FAM193A: variants seen among roughly 807,000 people sequenced by gnomAD.
FAM193A encodes family with sequence similarity 193 member A, also known as protein FAM193A.
Under a neutral mutation model 126.5 loss-of-function variants are expected in FAM193A, and 22 were observed. That is an observed-to-expected ratio of 0.17 (90% CI 0.12 to 0.25). The LOEUF is 0.25. Ranked by LOEUF, FAM193A falls within the 10% of genes least tolerant of loss-of-function variation. FAM193A has a pLI of 1.00. For missense variants in FAM193A, 1,675 were observed against 1,672.8 expected, an observed-to-expected ratio of 1.00 and a Z score of -0.02; for synonymous variants, 761 against 646.8, an observed-to-expected ratio of 1.18 and a Z score of -2.68.
intron 19 of FAM193A, among the ~76,000 whole-genome samples, chr4:2,712,708 A>G (rs566628039): frequency 6.6e-6 from 1 of 151,936 alleles, no homozygotes; most frequent in East Asian, 1.9e-4. Flanking sequence ...GTTGGTCTCA[A>G]CCCTGTCATT....
Position 2,590,492 on chromosome 4 carries a change from AAAAC to A in FAM193A, c.256-5588_256-5585del, listed in dbSNP as rs1229445608. Among the ~76,000 whole-genome samples the A allele has an allele frequency of 5.3e-5, 5 of 94,450 alleles. 1 individual carries two copies. The highest frequency in any genetic ancestry group is 9.6e-5 in the African/African-American group (2 of 20,934). 62.0% of individuals were successfully genotyped at this position (94,450 alleles called of 152,430 possible). ...AAAAAAAAACAAAAAAAAACAAAAA[AAAAC>A]AAAAAAAAACAAAAAAAAAACAAAA... is the stretch of plus-strand genomic sequence containing the variant. On this transcript the variant is annotated intron_variant, in intron 1 of 20. Coordinates refer to ENST00000637812, the MANE Select transcript of FAM193A (RefSeq NM_001366318.2).
chr4:2,724,043 T>C (rs935848818), intron 20 of FAM193A, among the ~76,000 whole-genome samples: 17 of 143,302 alleles, frequency 1.2e-4, no homozygotes, highest in Admixed American at 8.5e-4. Flanking sequence ...TTTTTTTTTT[T>C]CAGCTTACTC....
intron 1 of FAM193A, among the ~76,000 whole-genome samples, chr4:2,537,494 T>C (rs1006188631): frequency 1.4e-4 from 22 of 152,180 alleles, no homozygotes; most frequent in Admixed American, 3.3e-4. Context: ...CGGGGACGTC[T>C]CCGGGGTGCA....
chr4:2,640,706 G>C (rs1436135540), intron 6 of FAM193A, among the ~76,000 whole-genome samples: 2 of 152,186 alleles, frequency 1.3e-5, no homozygotes, highest in Non-Finnish European at 1.5e-5. Flanking sequence ...GCTCACGCCT[G>C]TAATTCCAAC....
At chr4:2,546,832 C>G (rs376095951) in intron 1 of FAM193A, among the ~76,000 whole-genome samples, 2 of 152,284 alleles carry the variant, frequency 1.3e-5, no homozygotes, top group East Asian at 3.9e-4. Context: ...AACCGCTGAA[C>G]TGTTATCCAG....
rs1373244161 is a variant in FAM193A, at chr4:2,537,078, G to C, written c.163G>C (p.Ala55Pro). 1 of 147,182 alleles carries C rather than the reference G, an allele frequency of 6.8e-6. No homozygotes were observed. 9.1% of individuals were successfully genotyped at this position (147,182 alleles called of 1,614,324 possible). A position where few individuals can be genotyped will look rare whatever the true frequency, so the allele number is the denominator to read the frequency against. The change falls in exon 1 of 21, where the codon GCG becomes CCG. Residue 55 changes from alanine (A) to proline (P), a missense_variant. Coordinates refer to ENST00000637812, the MANE Select transcript of FAM193A (RefSeq NM_001366318.2). The part of the protein sequence containing the change: ...QAAGLAAPGS[A>P]AGLVGGAAAA... ...CGCGGGCCTGGCGGCCCCGGGCAGC[G>C]CGGCAGGCCTGGTGGGCGGCGCGGC...
intron 13 of FAM193A, among the ~76,000 whole-genome samples, chr4:2,679,614 G>A (rs148032858): frequency 6.5e-4 from 98 of 151,894 alleles, no homozygotes; most frequent in African/African-American, 2.2e-3. Context: ...CCGACCTCAG[G>A]TGATCCACCC....
At chr4:2,729,551 C>T (rs962045694) in intron 20 of FAM193A, among the ~76,000 whole-genome samples, 1 of 152,206 alleles carries the variant, frequency 6.6e-6, no homozygotes, top group Admixed American at 6.5e-5. Context: ...TGTTCTAAAA[C>T]TTGCCTCAGT....
At position 2,689,486 on chromosome 4, in the gene FAM193A, T is replaced by G. The variant is rs1716117383; in HGVS notation, c.2332-20T>G. 1 of 1,543,372 alleles carries G rather than the reference T, an allele frequency of 6.5e-7. No homozygotes were observed. Among genetic ancestry groups the G allele is most frequent in the Non-Finnish European group, 8.7e-7 (1 of 1,154,556 alleles). ...CAGAATATTAATTTTGATATGTGAT[T>G]AGAAAATTTTTTTTTGTAGGCTTTA... is the stretch of plus-strand genomic sequence containing the variant. On this transcript the variant is annotated intron_variant, in intron 13 of 20. Coordinates refer to ENST00000637812, the MANE Select transcript of FAM193A (RefSeq NM_001366318.2).
At chr4:2,668,806 C>CTCTCTCTT in intron 12 of FAM193A, among the ~76,000 whole-genome samples, 1 of 151,922 alleles carries the variant, frequency 6.6e-6, no homozygotes, top group Non-Finnish European at 1.5e-5. Flanking sequence ...CTTTCTCTCT[C>CTCTCTCTT]TCTCTCTTTC....
intron 5 of FAM193A, among the ~76,000 whole-genome samples, chr4:2,633,453 A>G (rs1207940620): frequency 6.6e-6 from 1 of 152,108 alleles, no homozygotes; most frequent in African/African-American, 2.4e-5. Flanking sequence ...CTTGAAAAAA[A>G]TGCATACACC....
At chr4:2,581,565 T>TC (rs1215610948) in intron 1 of FAM193A, among the ~76,000 whole-genome samples, 5 of 151,234 alleles carry the variant, frequency 3.3e-5, no homozygotes, top group African/African-American at 1.2e-4. Context: ...CTGAAATACT[T>TC]CAACATTTTA....
At chr4:2,660,125 T>C in intron 10 of FAM193A, 71 bp downstream of exon 10, 2 of 1,490,252 alleles carry the variant, frequency 1.3e-6, no homozygotes, top group Non-Finnish European at 1.8e-6. Flanking sequence ...CATACAGTAA[T>C]GTCCACAGAA....
chr4:2,639,944 C>T, intron 6 of FAM193A, 85 bp downstream of exon 6: 1 of 1,327,028 alleles, frequency 7.5e-7, no homozygotes, highest in Non-Finnish European at 1.0e-6. Flanking sequence ...CCGAGTACCA[C>T]TGAGTATGAA....
At chr4:2,691,901 ACCT>A (rs1353210655) in intron 15 of FAM193A, among the ~76,000 whole-genome samples, 1 of 152,112 alleles carries the variant, frequency 6.6e-6, no homozygotes, top group Non-Finnish European at 1.5e-5. Context: ...CTAAAAGCAC[ACCT>A]CCTCTAAATG....
chr4:2,673,052 A>G (rs1038637038), intron 13 of FAM193A, among the ~76,000 whole-genome samples: 3 of 152,336 alleles, frequency 2.0e-5, no homozygotes, highest in Admixed American at 1.3e-4. Flanking sequence ...TAGACTTTAC[A>G]GTGAAATTCT....
chr4:2,579,152 T>G (rs1319083634), intron 1 of FAM193A, among the ~76,000 whole-genome samples: 1 of 150,620 alleles, frequency 6.6e-6, no homozygotes, highest in Non-Finnish European at 1.5e-5. Context: ...GAATCACCAC[T>G]ACGCCTGGCC....
At chr4:2,667,497 G>C (rs941403335) in intron 12 of FAM193A, among the ~76,000 whole-genome samples, 4 of 152,114 alleles carry the variant, frequency 2.6e-5, no homozygotes, top group African/African-American at 9.7e-5. Flanking sequence ...GCATTTGGGG[G>C]TGATGTTATT....
intron 20 of FAM193A, among the ~76,000 whole-genome samples, chr4:2,730,428 C>T (rs1271173081): frequency 4.6e-5 from 7 of 152,126 alleles, no homozygotes; most frequent in Non-Finnish European, 8.8e-5. Context: ...CGGTGGCTCA[C>T]GACTGTAATC....
Sources: allele counts gnomAD v4.1 joint callset (sites outside exome capture counted in the v4.1 genomes callset), GRCh38; gene constraint gnomAD v4.1.1; transcripts MANE v1.5; gene names NCBI Gene and HGNC (gene_info 2026-07-23, HGNC 2026-07-21).